Variants in MSI2 observed in about 807,000 individuals in gnomAD.
The protein encoded by MSI2 is RNA-binding protein Musashi homolog 2.
MSI2 carries 17 observed loss-of-function variants against 45.6 expected under a neutral mutation model. That is an observed-to-expected ratio of 0.37 (90% confidence interval 0.26 to 0.56). The LOEUF is 0.56. Among genes scored for constraint, MSI2 ranks in the 20% least tolerant of loss-of-function variants. The probability of loss-of-function intolerance (pLI) is 0.77; values close to 1 mark genes in which losing one functional copy is unlikely to be tolerated. For synonymous variants in MSI2, 156 were observed against 158.2 expected (o/e 0.99, Z 0.11); for missense variants, 293 against 444.2 (o/e 0.66, Z 3.06).
At chr17:57,483,432 AAC>A (rs1284289841) in intron 6 of MSI2, among the ~76,000 whole-genome samples, 1 of 152,180 alleles carries the variant, frequency 6.6e-6, no homozygotes, top group Non-Finnish European at 1.5e-5. Context: ...GGCTTATTCA[AAC>A]ACAAATGACT....
chr17:57,514,950 C>G (rs2143966084), intron 6 of MSI2, among the ~76,000 whole-genome samples: 1 of 152,278 alleles, frequency 6.6e-6, no homozygotes, highest in East Asian at 1.9e-4. Flanking sequence ...AAATGTCAGG[C>G]CTGCTTGCCT....
At chr17:57,519,739 C>T (rs534834184) in intron 6 of MSI2, among the ~76,000 whole-genome samples, 1 of 152,222 alleles carries the variant, frequency 6.6e-6, no homozygotes, top group South Asian at 2.1e-4. Flanking sequence ...GGGCACTGCA[C>T]AAAGCTCTTA....
intron 11 of MSI2, among the ~76,000 whole-genome samples, chr17:57,674,326 A>T (rs12951601): frequency 0.18 from 25,530 of 145,212 alleles, 2,696 homozygotes; most frequent in East Asian, 0.44. Flanking sequence ...TGTCTTTTTT[A>T]AAAAAAAAAA....
intron 7 of MSI2, among the ~76,000 whole-genome samples, chr17:57,593,385 G>T (rs980037599): frequency 1.3e-5 from 2 of 152,134 alleles, no homozygotes; most frequent in African/African-American, 4.8e-5. Flanking sequence ...GAGGTTCTGG[G>T]GGACAGTCGT....
intron 6 of MSI2, among the ~76,000 whole-genome samples, chr17:57,509,123 A>G (rs1343451169): frequency 6.6e-6 from 1 of 152,322 alleles, no homozygotes; most frequent in Middle Eastern, 3.4e-3. Context: ...ATGAGCTGAC[A>G]TTTGAAAACT....
chr17:57,384,967 T>C (rs7342859), intron 5 of MSI2, among the ~76,000 whole-genome samples: 146,666 of 151,540 alleles, frequency 0.97, 71,101 homozygotes, highest in Non-Finnish European at 1. Flanking sequence ...CTCAAGACCC[T>C]TCCCTCTCCC....
chr17:57,592,940 T>G (rs1426065099), intron 7 of MSI2, among the ~76,000 whole-genome samples: 1 of 152,180 alleles, frequency 6.6e-6, no homozygotes, highest in Non-Finnish European at 1.5e-5. Flanking sequence ...GGAAAGCAGC[T>G]TCCATGGCCG....
At chr17:57,637,654 G>A (rs1175175980) in intron 10 of MSI2, among the ~76,000 whole-genome samples, 1 of 152,202 alleles carries the variant, frequency 6.6e-6, no homozygotes, top group African/African-American at 2.4e-5. Context: ...TCTAGGCCTC[G>A]GTTTCCCCAT....
At chr17:57,643,723 T>C (rs953711148) in intron 10 of MSI2, among the ~76,000 whole-genome samples, 2 of 152,250 alleles carry the variant, frequency 1.3e-5, no homozygotes, top group Non-Finnish European at 2.9e-5. Context: ...GCGATGCACC[T>C]TCCTTTTAGT....
chr17:57,682,857 C>A lies in MSI2; in HGVS notation c.*3340C>A, dbSNP rs1412847012. ...ACCCCCGAACTCCTCTCCTCCCAAG[C>A]AGAGGCGAGTGAGTGGCATTAGCTC... On this transcript the variant is annotated 3_prime_UTR_variant, in exon 14 of 14. Coordinates refer to ENST00000284073, the MANE Select transcript of MSI2 (RefSeq NM_138962.4). 1.8e-5 allele frequency: 4 copies of A among 224,262 alleles called. No individual in the cohort carries two copies. Among genetic ancestry groups the A allele is most frequent in the Non-Finnish European group, 2.7e-5 (3 of 112,542 alleles). 13.9% of individuals were successfully genotyped at this position (224,262 alleles called of 1,614,324 possible).
At chr17:57,406,447 A>C (rs1359933081) in intron 6 of MSI2, among the ~76,000 whole-genome samples, 1 of 152,126 alleles carries the variant, frequency 6.6e-6, no homozygotes, top group African/African-American at 2.4e-5. Flanking sequence ...CTTTAAACTT[A>C]ATGAATTCTC....
chr17:57,375,904 G>A (rs1044068237), intron 5 of MSI2, among the ~76,000 whole-genome samples: 2 of 152,196 alleles, frequency 1.3e-5, no homozygotes, highest in Admixed American at 6.5e-5. Flanking sequence ...CGCGTTAGCC[G>A]ATGCTCACTC....
At chr17:57,289,688 T>TA (rs1274659091) in intron 5 of MSI2, among the ~76,000 whole-genome samples, 2 of 152,304 alleles carry the variant, frequency 1.3e-5, no homozygotes, top group East Asian at 3.9e-4. Context: ...TTGTGTGCCA[T>TA]AAAATCCATC....
chr17:57,403,730 G>T (rs1398889557), intron 6 of MSI2, among the ~76,000 whole-genome samples: 1 of 151,960 alleles, frequency 6.6e-6, no homozygotes, highest in Non-Finnish European at 1.5e-5. Context: ...GTGTCCCCTT[G>T]GGCAGGACTC....
At position 57,284,119 on chromosome 17, in the gene MSI2, C is replaced by T. The variant is rs536929379; in HGVS notation, c.312+21927C>T. On this transcript the variant is annotated intron_variant, in intron 5 of 13. Coordinates refer to ENST00000284073, the MANE Select transcript of MSI2 (RefSeq NM_138962.4). Reference sequence around the variant, plus strand: ...TCCTTTTTAATTCTCAAAAGGGGCCCGCTGAGTTGAGCATTGCCCAAGTAT... The same window carrying T: ...TCCTTTTTAATTCTCAAAAGGGGCCTGCTGAGTTGAGCATTGCCCAAGTAT... Among the ~76,000 whole-genome samples, 10 of 152,274 alleles carry T rather than the reference C, an allele frequency of 6.6e-5. No individual in the cohort carries two copies. In the South Asian group the frequency reaches 1.7e-3, roughly 25 times the overall value.
At position 57,258,254 on chromosome 17, in the gene MSI2, C is replaced by G; in HGVS notation, c.186-16C>G. The G allele has an allele frequency of 1.9e-6, 3 of 1,612,772 alleles. No individual in the cohort carries two copies. The highest frequency in any genetic ancestry group is 2.2e-5 in the South Asian group (2 of 91,032). The stretch of plus-strand genomic sequence containing the variant: ...CATTTTCTTGTTTGTTTTTCTCCCT[C>G]TTTGTCTCCTTTCAGAGGCTTCGGT... On this transcript the variant is annotated splice_polypyrimidine_tract_variant and intron_variant, in intron 3 of 13. Transcript: ENST00000284073.
chr17:57,374,462 T>C (rs1331490579), intron 5 of MSI2, among the ~76,000 whole-genome samples: 1 of 152,164 alleles, frequency 6.6e-6, no homozygotes, highest in African/African-American at 2.4e-5. Flanking sequence ...GAACCTACAT[T>C]TTCCCTCAAA....
chr17:57,520,342 G>A (rs745874666), intron 6 of MSI2, among the ~76,000 whole-genome samples: 1 of 152,186 alleles, frequency 6.6e-6, no homozygotes, highest in East Asian at 1.9e-4. Flanking sequence ...AGTTCCCATG[G>A]GCAGGTGTCC....
intron 10 of MSI2, chr17:57,631,856 G>C: frequency 6.2e-7 from 1 of 1,611,738 alleles, no homozygotes; most frequent in Non-Finnish European, 8.5e-7. Context: ...ATAGCAAAGT[G>C]GGGGTTGCTA....
Sources: allele counts gnomAD v4.1 joint callset (sites outside exome capture counted in the v4.1 genomes callset), GRCh38; gene constraint gnomAD v4.1.1; transcripts MANE v1.5; gene names NCBI Gene and HGNC (gene_info 2026-07-23, HGNC 2026-07-21).